Variants in TRAF2 observed in about 807,000 individuals in gnomAD.
The protein encoded by TRAF2 is TNF receptor-associated factor 2.
Under a neutral mutation model 55.6 loss-of-function variants are expected in TRAF2, and 6 were observed. The ratio of observed to expected loss-of-function variants is 0.11; its 90% CI spans 0.06 to 0.21. The LOEUF is 0.21. Among genes scored for constraint, TRAF2 ranks in the 10% least tolerant of loss-of-function variants. TRAF2 has a pLI of 1.00. For synonymous variants in TRAF2, 329 were observed against 276.3 expected (o/e 1.19, Z -1.89); for missense variants, 561 against 684.5 (o/e 0.82, Z 2.01).
At chr9:136,918,771 T>C (rs1850306760) in intron 7 of TRAF2, among the ~76,000 whole-genome samples, 1 of 152,154 alleles carries the variant, frequency 6.6e-6, no homozygotes, top group African/African-American at 2.4e-5. Flanking sequence ...AGTCTTGCTC[T>C]GTCACCCAGG....
intron 1 of TRAF2, among the ~76,000 whole-genome samples, chr9:136,894,023 C>T (rs1244754439): frequency 4.7e-5 from 7 of 147,738 alleles, no homozygotes; most frequent in African/African-American, 7.5e-5. Flanking sequence ...GCTGGGATTA[C>T]AGGTGTGAGC....
intron 5 of TRAF2, among the ~76,000 whole-genome samples, chr9:136,908,870 GGA>G (rs1850024858): frequency 1.6e-5 from 1 of 63,914 alleles, no homozygotes; most frequent in African/African-American, 7.9e-5. Flanking sequence ...ATTCCGTCTC[GGA>G]AAAAAAAAAA....
At chr9:136,882,449 C>T (rs1564399453), upstream of TRAF2, among the ~76,000 whole-genome samples, 1 of 152,224 alleles carries the variant, frequency 6.6e-6, no homozygotes, top group African/African-American at 2.4e-5. Flanking sequence ...GCCGCCCCTC[C>T]AGGGACACTG....
At position 136,921,464 on chromosome 9, in the gene TRAF2, C is replaced by CG. The variant is rs138404581; in HGVS notation, c.1138+250dup. ...GCTGCCCTCCTGCCGTGCCAGCCCTCGAGGTGTGCCCCTCGTCACCCACAG... is the reference window on the plus strand; with the variant it reads ...GCTGCCCTCCTGCCGTGCCAGCCCTCGGAGGTGTGCCCCTCGTCACCCACAG... On this transcript the variant is annotated intron_variant, in intron 9 of 10. Coordinates refer to ENST00000247668, the MANE Select transcript of TRAF2 (RefSeq NM_021138.4). Among the ~76,000 whole-genome samples the CG allele has an allele frequency of 8.5e-5, 13 of 152,236 alleles. No homozygotes were observed. The East Asian group carries it at 2.5e-3, about 29-fold the overall frequency.
rs144684020 is a variant in TRAF2, at chr9:136,907,431, C to T, written c.367-639C>T. On this transcript the variant is annotated intron_variant, in intron 4 of 10. Transcript: ENST00000247668. ...GAGTGACCTTCCTGTGTGTCACTGG[C>T]CCTCGCCTGTCTTCCTCGCAGCTTC... 5.2e-3 allele frequency among the ~76,000 whole-genome samples: 797 copies of T among 152,340 alleles called. 9 individuals are homozygous for T. Among genetic ancestry groups the T allele is most frequent in the African/African-American group, 0.018 (762 of 41,574 alleles).
upstream of TRAF2, chr9:136,882,708 A>G (rs951774979): frequency 1.0e-6 from 1 of 985,398 alleles, no homozygotes; most frequent in African/African-American, 1.7e-5. Flanking sequence ...CGCCATGGCC[A>G]GAGTGAGTCA....
At chr9:136,921,797 C>G (rs1217194528) in intron 9 of TRAF2, among the ~76,000 whole-genome samples, 1 of 152,044 alleles carries the variant, frequency 6.6e-6, no homozygotes, top group Non-Finnish European at 1.5e-5. Context: ...GGTGGCTGCC[C>G]AGCTGCAGGC....
At chr9:136,889,932 C>T (rs927692097) in intron 1 of TRAF2, among the ~76,000 whole-genome samples, 4 of 146,826 alleles carry the variant, frequency 2.7e-5, no homozygotes, top group Non-Finnish European at 6.0e-5. Context: ...TTGTTCAGCT[C>T]GTCACCGCGT....
At position 136,898,935 on chromosome 9, in the gene TRAF2, G is replaced by T; in HGVS notation, c.188+7G>T. The T allele has an allele frequency of 6.3e-7, 1 of 1,595,726 alleles. No individual in the cohort carries two copies. Among genetic ancestry groups the T allele is most frequent in the Non-Finnish European group, 8.5e-7 (1 of 1,171,766 alleles). ...GCCTGGCCAGCATCCTCAGGTGCAT[G>T]GGGCCTGCAGGCTGGGAGGAGGGGC... On this transcript the variant is annotated splice_region_variant and intron_variant, in intron 2 of 10. Coordinates refer to ENST00000247668, the MANE Select transcript of TRAF2 (RefSeq NM_021138.4).
Position 136,926,299 on chromosome 9 carries a change from C to T in TRAF2, c.*398C>T. Reference sequence around the variant, plus strand: ...AGTGGATGGCCTTGTGTCCCTCGGGCATGACAGGCAGAAACGAGGGCTGCT... The same window carrying T: ...AGTGGATGGCCTTGTGTCCCTCGGGTATGACAGGCAGAAACGAGGGCTGCT... On this transcript the variant is annotated 3_prime_UTR_variant, in exon 11 of 11. Coordinates refer to ENST00000247668, the MANE Select transcript of TRAF2 (RefSeq NM_021138.4). 1 of 359,140 alleles carries T rather than the reference C, an allele frequency of 2.8e-6. No individual in the cohort carries two copies. Among genetic ancestry groups the T allele is most frequent in the South Asian group, 2.2e-5 (1 of 45,570 alleles). 22.2% of individuals were successfully genotyped at this position (359,140 alleles called of 1,614,324 possible).
At chr9:136,892,445 CAG>C (rs1849599282) in intron 1 of TRAF2, among the ~76,000 whole-genome samples, 1 of 151,934 alleles carries the variant, frequency 6.6e-6, no homozygotes, top group South Asian at 2.1e-4. Flanking sequence ...GCCTGGGCGA[CAG>C]AGCGAGACTC....
At chr9:136,918,875 C>T (rs763914789) in intron 7 of TRAF2, among the ~76,000 whole-genome samples, 21 of 151,086 alleles carry the variant, frequency 1.4e-4, no homozygotes, top group Non-Finnish European at 1.8e-4. Flanking sequence ...GCTGGGATTA[C>T]AAGCACACAC....
chr9:136,923,142 G>T (rs1808415944), intron 9 of TRAF2, among the ~76,000 whole-genome samples: 1 of 152,126 alleles, frequency 6.6e-6, no homozygotes, highest in Non-Finnish European at 1.5e-5. Flanking sequence ...TTGTTTTGGG[G>T]TTCACTCTAG....
At chr9:136,892,077 G>A (rs1019594429) in intron 1 of TRAF2, among the ~76,000 whole-genome samples, 13 of 151,974 alleles carry the variant, frequency 8.6e-5, no homozygotes, top group Non-Finnish European at 4.4e-5. Context: ...TGCCCCATTC[G>A]TACACTGGCA....
chr9:136,920,599 C>G (rs1850361419), intron 8 of TRAF2, 84 bp downstream of exon 8: 3 of 1,474,934 alleles, frequency 2.0e-6, no homozygotes, highest in Non-Finnish European at 2.7e-6. Context: ...CTAGCAGGTC[C>G]TGGAGCTTTA....
chr9:136,907,121 G>A (rs1045732501), intron 4 of TRAF2, among the ~76,000 whole-genome samples: 2 of 152,250 alleles, frequency 1.3e-5, no homozygotes, highest in African/African-American at 2.4e-5. Flanking sequence ...GTGTGGCGAG[G>A]AGCTGGCACC....
In TRAF2 at chr9:136,920,369, T is replaced by C. The variant is rs1415315594; in HGVS notation, c.814T>C (p.Cys272Arg). ...SHAGSELLQRCESLEKKTATF... is the reference protein window; with the variant it reads ...SHAGSELLQRRESLEKKTATF... ...CGCGGGGTCAGAGCTCCTGCAGAGG[T>C]GCGAGAGCCTGGAGAAGAAGACGGC... Residue 272 changes from cysteine to arginine, a missense_variant, in exon 8 of 11, where the codon TGC becomes CGC. Cys to Arg is a radical substitution (Grantham distance 180). Around this residue, in one of 2 missense-constraint regions of TRAF2, gnomAD observed 426 missense variants for 476.8 expected, o/e 0.89. Transcript: ENST00000247668. The C allele has an allele frequency of 1.9e-6, 3 of 1,614,038 alleles. No individual in the cohort carries two copies. Among genetic ancestry groups the C allele is most frequent in the Non-Finnish European group, 2.5e-6 (3 of 1,180,028 alleles).
rs1850528689 is a variant in TRAF2, at chr9:136,926,194, G to A, written c.*293G>A. ...CAGCACAAGCTGCCCTTGCTGTCCT[G>A]TGCAGTGAAGGGAGAGGCCCTGGGT... On this transcript the variant is annotated 3_prime_UTR_variant, in exon 11 of 11. Coordinates refer to ENST00000247668, the MANE Select transcript of TRAF2 (RefSeq NM_021138.4). 4 of 545,468 alleles carry A rather than the reference G, an allele frequency of 7.3e-6. No individual in the cohort carries two copies. The highest frequency in any genetic ancestry group is 1.4e-5 in the Non-Finnish European group (4 of 290,540). The allele number at this position is 545,468 out of a possible 1,614,324, so 33.8% of individuals were successfully genotyped here.
rs571570831 is a variant in TRAF2, at chr9:136,890,020, G to A, written c.-29+3479G>A. 2.4e-4 allele frequency among the ~76,000 whole-genome samples: 31 copies of A among 126,832 alleles called. No individual in the cohort carries two copies. In the East Asian group the frequency reaches 2.8e-3, roughly 11 times the overall value. The allele number at this position is 126,832 out of a possible 152,430, so 83.2% of individuals were successfully genotyped here. ...GTCCCCACCGCACGCTCGTTCAGCCGGTCACCGCGTGTGTGAGTCCCCCCC... is the reference window on the plus strand; with the variant it reads ...GTCCCCACCGCACGCTCGTTCAGCCAGTCACCGCGTGTGTGAGTCCCCCCC... On this transcript the variant is annotated intron_variant, in intron 1 of 10. Transcript: ENST00000247668.
Sources: gnomAD v4.1 joint callset for allele counts (sites outside exome capture counted in the v4.1 genomes callset) on GRCh38, gnomAD v4.1.1 for gene constraint, gnomAD v4.1.1 regional missense constraint, MANE v1.5 for transcripts, NCBI Gene and HGNC (gene_info 2026-07-23, HGNC 2026-07-21) for gene names.